The following SYT1 variants were observed in gnomAD, a reference collection of about 807,000 sequenced individuals.
SYT1 encodes synaptotagmin-1.
In SYT1, 8 loss-of-function variants were observed where a neutral mutation model predicts 44.8. The observed-to-expected ratio is 0.18, with a 90% CI of 0.10 to 0.32. The LOEUF (loss-of-function observed/expected upper bound fraction) is 0.32, where lower values mean the gene tolerates loss of function less well. Among genes scored for constraint, SYT1 ranks in the 10% least tolerant of loss-of-function variants. The pLI is 1.00. For synonymous variants in SYT1, 154 were observed against 188.8 expected (o/e 0.82, Z 1.51); for missense variants, 286 against 509.3 (o/e 0.56, Z 4.22).
At chr12:79,422,499 C>T (rs1265432459) in intron 9 of SYT1, among the ~76,000 whole-genome samples, 1 of 151,238 alleles carries the variant, frequency 6.6e-6, no homozygotes, top group Non-Finnish European at 1.5e-5. Context: ...ACTCAATTTC[C>T]ATAGACTCTA....
At chr12:79,436,426 G>A (rs970678499) in intron 9 of SYT1, among the ~76,000 whole-genome samples, 1 of 152,092 alleles carries the variant, frequency 6.6e-6, no homozygotes, top group African/African-American at 2.4e-5. Context: ...TGGTAGAAAC[G>A]GAAAGGCCAT....
intron 1 of SYT1, among the ~76,000 whole-genome samples, chr12:78,902,488 A>C (rs566796708): frequency 6.6e-6 from 1 of 152,126 alleles, no homozygotes; most frequent in Non-Finnish European, 1.5e-5. Context: ...ACAATGATGC[A>C]AACTAGTGTA....
chr12:79,349,048 AGAAAGAAAGGAGGGAG>A (rs1477836034), intron 8 of SYT1, among the ~76,000 whole-genome samples: 170 of 140,992 alleles, frequency 1.2e-3, no homozygotes, highest in African/African-American at 4.3e-3. Context: ...AAAGAAAGAA[AGAAAGAAAGGAGGGAG>A]GGAGGGAGGG....
intron 3 of SYT1, among the ~76,000 whole-genome samples, chr12:79,077,893 T>A (rs1034788621): frequency 6.6e-6 from 1 of 152,188 alleles, no homozygotes; most frequent in Non-Finnish European, 1.5e-5. Context: ...TCTGGTTTGA[T>A]AAATTTTTAC....
chr12:79,137,696 A>G (rs1869290088), intron 3 of SYT1, among the ~76,000 whole-genome samples: 1 of 152,218 alleles, frequency 6.6e-6, no homozygotes, highest in South Asian at 2.1e-4. Flanking sequence ...TGGTTTATTC[A>G]TAAACATTTT....
chr12:79,289,909 T>C (rs1266033635), intron 5 of SYT1, among the ~76,000 whole-genome samples: 1 of 130,570 alleles, frequency 7.7e-6, no homozygotes, highest in East Asian at 2.4e-4. Flanking sequence ...TTTTTTTTTG[T>C]CACTTTACTA....
Position 78,920,286 on chromosome 12 carries a change from G to A in SYT1, c.-217+55177G>A, listed in dbSNP as rs574833624. 2.0e-5 allele frequency among the ~76,000 whole-genome samples: 3 copies of A among 151,984 alleles called. No homozygotes were observed. The East Asian group carries it at 5.8e-4, about 29-fold the overall frequency. ...GATATGCTTTTTTCTTTCATAAGAT[G>A]TTTTACAAGATAAGAAATAAAGTTA... On this transcript the variant is annotated intron_variant, in intron 1 of 10. Transcript: ENST00000261205.
chr12:78,985,014 T>C (rs1010716726), intron 2 of SYT1, among the ~76,000 whole-genome samples: 5 of 151,804 alleles, frequency 3.3e-5, no homozygotes, highest in Non-Finnish European at 7.4e-5. Flanking sequence ...GGATTTAAAG[T>C]AAATATATAC....
chr12:79,319,719 A>G (rs1248150381), intron 8 of SYT1, among the ~76,000 whole-genome samples: 2 of 152,206 alleles, frequency 1.3e-5, no homozygotes, highest in Non-Finnish European at 2.9e-5. Context: ...CACTCTTTCC[A>G]TGATATACAT....
intron 1 of SYT1, among the ~76,000 whole-genome samples, chr12:78,922,843 T>A (rs1196273744): frequency 6.6e-6 from 1 of 151,954 alleles, no homozygotes; most frequent in East Asian, 1.9e-4. Flanking sequence ...CACAACCCCA[T>A]GAAGTACTAT....
At chr12:79,343,000 G>T (rs1882446176) in intron 8 of SYT1, among the ~76,000 whole-genome samples, 3 of 152,172 alleles carry the variant, frequency 2.0e-5, no homozygotes, top group Non-Finnish European at 2.9e-5. Flanking sequence ...AAGAAAAGAA[G>T]TTAGTTATAA....
chr12:79,219,895 G>A (rs2138572758), intron 4 of SYT1, among the ~76,000 whole-genome samples: 1 of 152,002 alleles, frequency 6.6e-6, no homozygotes, highest in Non-Finnish European at 1.5e-5. Flanking sequence ...GAATGTAATT[G>A]GTATTTTGTA....
chr12:78,959,502 A>G (rs1879390780), intron 1 of SYT1, among the ~76,000 whole-genome samples: 1 of 152,176 alleles, frequency 6.6e-6, no homozygotes, highest in Non-Finnish European at 1.5e-5. Flanking sequence ...TACACATCTG[A>G]TATCACAAAA....
At position 79,313,908 on chromosome 12, in the gene SYT1, G is replaced by A. The variant is rs369351666; in HGVS notation, c.810+14357G>A. Among the ~76,000 whole-genome samples the A allele has an allele frequency of 7.2e-5, 11 of 151,920 alleles. No individual in the cohort carries two copies. The East Asian group carries it at 1.7e-3, about 24-fold the overall frequency. On this transcript the variant is annotated intron_variant, in intron 8 of 10. Transcript: ENST00000261205. ...AGCGGGGCCGGGCGCGGTGGCTCAC[G>A]CCTGTAATTCCAGCACTTTGGGAGG...
chr12:79,344,749 AC>A (rs1882532365), intron 8 of SYT1, among the ~76,000 whole-genome samples: 1 of 151,926 alleles, frequency 6.6e-6, no homozygotes, highest in Non-Finnish European at 1.5e-5. Flanking sequence ...GAGCCACCAC[AC>A]CCGGCCTACT....
At chr12:79,159,915 G>A (rs1258731904) in intron 3 of SYT1, among the ~76,000 whole-genome samples, 1 of 152,062 alleles carries the variant, frequency 6.6e-6, no homozygotes, top group Non-Finnish European at 1.5e-5. Context: ...AATAACTTAG[G>A]CAAAAGTAGA....
chr12:78,884,258 A>G (rs1247874467), intron 1 of SYT1, among the ~76,000 whole-genome samples: 1 of 151,642 alleles, frequency 6.6e-6, no homozygotes, highest in African/African-American at 2.4e-5. Context: ...ATATTACTTT[A>G]TACAATCTAC....
intron 1 of SYT1, among the ~76,000 whole-genome samples, chr12:78,931,051 A>C (rs1877604872): frequency 6.6e-6 from 1 of 150,996 alleles, no homozygotes; most frequent in African/African-American, 2.4e-5. Flanking sequence ...AATCCCAGCT[A>C]CTTGGGAGGC....
chr12:78,887,619 C>T (rs887071251), intron 1 of SYT1, among the ~76,000 whole-genome samples: 12 of 151,838 alleles, frequency 7.9e-5, no homozygotes, highest in African/African-American at 9.7e-5. Flanking sequence ...ATATCCCCTA[C>T]GGATAAGGGA....
Sources: gnomAD v4.1 joint callset for allele counts (sites outside exome capture counted in the v4.1 genomes callset) on GRCh38, gnomAD v4.1.1 for gene constraint, MANE v1.5 for transcripts, NCBI Gene and HGNC (gene_info 2026-07-23, HGNC 2026-07-21) for gene names.